The following GRM5 variants were observed in gnomAD, a reference collection of about 807,000 sequenced individuals.
GRM5 encodes glutamate metabotropic receptor 5.
Under a neutral mutation model 83.1 loss-of-function variants are expected in GRM5, and 19 were observed. That is an observed-to-expected ratio of 0.23 (90% CI 0.16 to 0.34). The LOEUF (loss-of-function observed/expected upper bound fraction) is 0.34, where lower values mean the gene tolerates loss of function less well. GRM5 is among the 10% of genes least tolerant of loss of function. GRM5 has a pLI of 1.00. For missense variants in GRM5, 1,160 were observed against 1,588.3 expected, an observed-to-expected ratio of 0.73 and a Z score of 4.58; for synonymous variants, 675 against 633.6, an observed-to-expected ratio of 1.07 and a Z score of -0.98.
intron 2 of GRM5, among the ~76,000 whole-genome samples, chr11:89,020,855 C>A (rs560688496): frequency 2.0e-5 from 3 of 152,310 alleles, no homozygotes; most frequent in Admixed American, 6.5e-5. Flanking sequence ...CATGTAATCA[C>A]AATGAATCTT....
chr11:89,038,944 G>A (rs1485022432), intron 2 of GRM5, among the ~76,000 whole-genome samples: 1 of 152,076 alleles, frequency 6.6e-6, no homozygotes, highest in Non-Finnish European at 1.5e-5. Context: ...ACTGTGTTAT[G>A]AAATAAACAA....
At chr11:88,950,614 A>G (rs1232454029) in intron 2 of GRM5, among the ~76,000 whole-genome samples, 1 of 152,216 alleles carries the variant, frequency 6.6e-6, no homozygotes, top group African/African-American at 2.4e-5. Flanking sequence ...TCATTATTAG[A>G]ATGGCAAAAA....
rs1194098388 is a variant in GRM5 at position 88,570,571 on chromosome 11, A to AT, written c.1691-2580dup. Among the ~76,000 whole-genome samples the AT allele has an allele frequency of 5.4e-3, 251 of 46,396 alleles. 9 individuals carry two copies. Among genetic ancestry groups the AT allele is most frequent in the Non-Finnish European group, 7.0e-3 (200 of 28,398 alleles). The allele number at this position is 46,396 out of a possible 152,430, so 30.4% of individuals were successfully genotyped here. Reference sequence around the variant, plus strand: ...TAATAATATATATATATATATATATATTTTTTTTTTTTTTTTTTTTTTTTT... The same window carrying AT: ...TAATAATATATATATATATATATATATTTTTTTTTTTTTTTTTTTTTTTTTT... On this transcript the variant is annotated intron_variant, in intron 7 of 9. Coordinates refer to ENST00000305447, the MANE Select transcript of GRM5 (RefSeq NM_001143831.3).
intron 2 of GRM5, among the ~76,000 whole-genome samples, chr11:88,987,740 G>T (rs1387448327): frequency 6.6e-6 from 1 of 151,908 alleles, no homozygotes; most frequent in Non-Finnish European, 1.5e-5. Context: ...GCACCCCCCA[G>T]CAGGGGCACA....
intron 3 of GRM5, among the ~76,000 whole-genome samples, chr11:88,823,098 C>G (rs1408446236): frequency 2.0e-5 from 3 of 151,700 alleles, no homozygotes; most frequent in African/African-American, 7.2e-5. Context: ...TGTGTTTTCT[C>G]TCCTCTATTC....
chr11:88,622,084 CACA>C (rs1938653008), intron 4 of GRM5, among the ~76,000 whole-genome samples: 3 of 56,936 alleles, frequency 5.3e-5, no homozygotes, highest in African/African-American at 1.6e-4. Flanking sequence ...CCTTTAAAAT[CACA>C]ACACTATTTT....
chr11:88,920,027 T>C (rs1364588559), intron 2 of GRM5, among the ~76,000 whole-genome samples: 2 of 151,766 alleles, frequency 1.3e-5, no homozygotes, highest in Admixed American at 1.3e-4. Context: ...TCAAACTTGG[T>C]AGAAAAAAAG....
intron 2 of GRM5, among the ~76,000 whole-genome samples, chr11:88,958,784 TTAAA>T (rs1938699192): frequency 6.6e-6 from 1 of 152,180 alleles, no homozygotes; most frequent in Non-Finnish European, 1.5e-5. Flanking sequence ...AAACACAAAT[TTAAA>T]TATTCATTGA....
chr11:88,984,943 GACTC>G lies in GRM5; in HGVS notation c.661+62265_661+62268del, dbSNP rs957196704. The stretch of plus-strand genomic sequence containing the variant: ...TTTTTAAATGCCATTTTAATAATTT[GACTC>G]ACTTTTTTTCTAATCACAGTATTAT... On this transcript the variant is annotated intron_variant, in intron 2 of 9. Transcript: ENST00000305447. 3.9e-5 allele frequency: 23 copies of G among 586,574 alleles called. No homozygotes were observed. In the African/African-American group the frequency reaches 4.0e-4, roughly 10 times the overall value. The allele number at this position is 586,574 out of a possible 1,614,324, so 36.3% of individuals were successfully genotyped here. A position where few individuals can be genotyped will look rare whatever the true frequency, so the allele number is the denominator to read the frequency against.
At chr11:88,830,733 G>A (rs996631820) in intron 3 of GRM5, among the ~76,000 whole-genome samples, 5 of 152,192 alleles carry the variant, frequency 3.3e-5, no homozygotes, top group African/African-American at 1.2e-4. Flanking sequence ...GGGAGGTCAC[G>A]CTGTGTATTC....
intron 2 of GRM5, among the ~76,000 whole-genome samples, chr11:88,980,582 G>C (rs568639048): frequency 1.5e-4 from 23 of 152,226 alleles, no homozygotes; most frequent in African/African-American, 5.1e-4. Context: ...CAACACTTTG[G>C]GAGGCAGAGG....
intron 4 of GRM5, among the ~76,000 whole-genome samples, chr11:88,621,149 A>G (rs1938623876): frequency 6.6e-6 from 1 of 152,196 alleles, no homozygotes; most frequent in East Asian, 1.9e-4. Flanking sequence ...TTATGATATT[A>G]TTTAAAAGAT....
Position 88,639,406 on chromosome 11 carries a change from G to A in GRM5, c.1147+13762C>T. Reference sequence around the variant, plus strand: ...ACATCTTTTATTTCTTGTCTCTTGAGAATAATGTCTTCATTGTTTGAGGTC... The same window carrying A: ...ACATCTTTTATTTCTTGTCTCTTGAAAATAATGTCTTCATTGTTTGAGGTC... On this transcript the variant is annotated intron_variant, in intron 4 of 9. Transcript: ENST00000305447. Among the ~76,000 whole-genome samples, 2 of 152,020 alleles carry A rather than the reference G, an allele frequency of 1.3e-5. 1 individual carries two copies. Among genetic ancestry groups the A allele is most frequent in the Non-Finnish European group, 2.9e-5 (2 of 67,996 alleles).
At chr11:89,041,118 G>A (rs1344344817) in intron 2 of GRM5, among the ~76,000 whole-genome samples, 1 of 152,148 alleles carries the variant, frequency 6.6e-6, no homozygotes, top group Non-Finnish European at 1.5e-5. Context: ...GTGACCAAGG[G>A]AAAACATGCA....
intron 4 of GRM5, among the ~76,000 whole-genome samples, chr11:88,619,801 A>T (rs923309363): frequency 1.3e-5 from 2 of 152,172 alleles, no homozygotes; most frequent in African/African-American, 2.4e-5. Context: ...CCCATTAGTA[A>T]GGAAAGGATA....
intron 4 of GRM5, among the ~76,000 whole-genome samples, chr11:88,605,605 A>G (rs560185300): frequency 1.3e-5 from 2 of 152,310 alleles, no homozygotes; most frequent in South Asian, 4.1e-4. Context: ...AAAAAAGATG[A>G]TTTGAACATG....
chr11:88,740,739 T>A (rs543865641), intron 3 of GRM5, among the ~76,000 whole-genome samples: 1 of 152,014 alleles, frequency 6.6e-6, no homozygotes, highest in Non-Finnish European at 1.5e-5. Flanking sequence ...CATTAGCACA[T>A]CTTCAACCAA....
intron 4 of GRM5, among the ~76,000 whole-genome samples, chr11:88,611,842 T>C (rs1182016351): frequency 2.6e-5 from 4 of 152,094 alleles, no homozygotes; most frequent in Non-Finnish European, 4.4e-5. Context: ...GATTCCAACT[T>C]TTTGATGTAG....
chr11:88,782,543 G>T (rs984812795), intron 3 of GRM5, among the ~76,000 whole-genome samples: 1 of 152,132 alleles, frequency 6.6e-6, no homozygotes, highest in Non-Finnish European at 1.5e-5. Flanking sequence ...TGAGATTTGG[G>T]TGGGGACACA....
Sources: gnomAD v4.1 joint callset for allele counts (sites outside exome capture counted in the v4.1 genomes callset) on GRCh38, gnomAD v4.1.1 for gene constraint, MANE v1.5 for transcripts, NCBI Gene and HGNC (gene_info 2026-07-23, HGNC 2026-07-21) for gene names.